NALF1: variants seen among roughly 807,000 people sequenced by gnomAD.
NALF1 encodes the protein NALCN channel auxiliary factor 1.
NALF1 carries 3 observed loss-of-function variants against 48.4 expected under a neutral mutation model. That is an observed-to-expected ratio of 0.06 (90% CI 0.03 to 0.16). The LOEUF (loss-of-function observed/expected upper bound fraction) is 0.16. NALF1 is among the 10% of genes least tolerant of loss of function. NALF1 has a pLI of 1.00. For missense variants in NALF1, 526 were observed against 571.5 expected (o/e 0.92, Z 0.81); for synonymous variants, 262 against 245.7 (o/e 1.07, Z -0.62).
At chr13:107,681,227 C>T (rs1395434796) in intron 1 of NALF1, among the ~76,000 whole-genome samples, 2 of 152,082 alleles carry the variant, frequency 1.3e-5, no homozygotes, top group African/African-American at 4.8e-5. Flanking sequence ...GTGTCTTTAT[C>T]AGCAAAATAA....
At chr13:107,522,260 C>T (rs1012119431) in intron 1 of NALF1, among the ~76,000 whole-genome samples, 9 of 152,108 alleles carry the variant, frequency 5.9e-5, no homozygotes, top group Non-Finnish European at 1.3e-4. Context: ...CTCTCCCCTA[C>T]GCCACTGAAA....
chr13:107,332,381 G>A (rs1882484639), intron 1 of NALF1, among the ~76,000 whole-genome samples: 1 of 152,190 alleles, frequency 6.6e-6, no homozygotes, highest in South Asian at 2.1e-4. Flanking sequence ...CTGCAAAGGA[G>A]CAGCAGGAGT....
At chr13:107,512,398 AG>A in intron 1 of NALF1, among the ~76,000 whole-genome samples, 1 of 152,312 alleles carries the variant, frequency 6.6e-6, no homozygotes, top group South Asian at 2.1e-4. Context: ...ATCTAAAAAA[AG>A]AAAAAAGAAA....
intron 2 of NALF1, among the ~76,000 whole-genome samples, chr13:107,204,855 GAAAA>G (rs202104845): frequency 6.0e-5 from 9 of 149,092 alleles, no homozygotes; most frequent in African/African-American, 2.0e-4. Flanking sequence ...TGTTTTCAGA[GAAAA>G]AAAAACCTGA....
intron 1 of NALF1, among the ~76,000 whole-genome samples, chr13:107,475,842 A>G (rs1885169489): frequency 6.6e-6 from 1 of 152,176 alleles, no homozygotes; most frequent in Non-Finnish European, 1.5e-5. Flanking sequence ...AGGAAACCAA[A>G]GACAGAGACA....
intron 1 of NALF1, among the ~76,000 whole-genome samples, chr13:107,516,449 T>C (rs1173928357): frequency 6.6e-6 from 1 of 152,214 alleles, no homozygotes; most frequent in African/African-American, 2.4e-5. Flanking sequence ...GCACCTACCA[T>C]GAAATGAGCA....
At chr13:107,606,694 C>G (rs1455210900) in intron 1 of NALF1, among the ~76,000 whole-genome samples, 1 of 151,990 alleles carries the variant, frequency 6.6e-6, no homozygotes, top group African/African-American at 2.4e-5. Context: ...GGAAACATTT[C>G]AAAAATATTT....
chr13:107,703,981 T>C (rs4113420), intron 1 of NALF1, among the ~76,000 whole-genome samples: 131,839 of 149,270 alleles, frequency 0.88, 57,618 homozygotes, highest in Non-Finnish European at 0.93. Context: ...CTCTTATTAA[T>C]AGTTTGGCTG....
chr13:107,542,325 G>C (rs886829285), intron 1 of NALF1, among the ~76,000 whole-genome samples: 1 of 152,026 alleles, frequency 6.6e-6, no homozygotes, highest in Admixed American at 6.6e-5. Flanking sequence ...TCAGGCTGGT[G>C]GGGGAGGGGG....
chr13:107,222,210 T>C (rs16969878), intron 1 of NALF1, among the ~76,000 whole-genome samples: 6,014 of 152,256 alleles, frequency 0.039, 170 homozygotes, highest in South Asian at 0.079. Flanking sequence ...ATTAAGAAGC[T>C]TATTTTTCTG....
intron 1 of NALF1, among the ~76,000 whole-genome samples, chr13:107,769,857 A>G (rs543488081): frequency 1.3e-5 from 2 of 152,232 alleles, no homozygotes; most frequent in East Asian, 3.9e-4. Context: ...AATTCCATCA[A>G]TATACATCCT....
chr13:107,764,992 C>G (rs1013237273), intron 1 of NALF1, among the ~76,000 whole-genome samples: 2 of 152,144 alleles, frequency 1.3e-5, no homozygotes, highest in Non-Finnish European at 2.9e-5. Flanking sequence ...CTTTTCAAGT[C>G]ACTGCAAATT....
intron 1 of NALF1, among the ~76,000 whole-genome samples, chr13:107,339,225 A>G (rs928945366): frequency 1.3e-5 from 2 of 152,026 alleles, no homozygotes; most frequent in African/African-American, 4.8e-5. Context: ...TTATATTTTA[A>G]AAACCTTTAT....
intron 1 of NALF1, among the ~76,000 whole-genome samples, chr13:107,604,330 C>T (rs1471387112): frequency 1.3e-5 from 2 of 152,098 alleles, no homozygotes; most frequent in Non-Finnish European, 2.9e-5. Context: ...TTTAAATCTA[C>T]ATTTAGAATT....
chr13:107,441,013 T>C (rs1439476600), intron 1 of NALF1, among the ~76,000 whole-genome samples: 2 of 152,128 alleles, frequency 1.3e-5, no homozygotes, highest in East Asian at 3.9e-4. Flanking sequence ...CTCTCCAACC[T>C]CCAAACCAAT....
intron 1 of NALF1, among the ~76,000 whole-genome samples, chr13:107,313,494 A>T (rs1300422220): frequency 6.6e-6 from 1 of 152,104 alleles, no homozygotes; most frequent in Non-Finnish European, 1.5e-5. Context: ...CCACAAGAAA[A>T]TTCCTTGTGG....
At chr13:107,349,899 G>A (rs757133739) in intron 1 of NALF1, among the ~76,000 whole-genome samples, 12 of 152,062 alleles carry the variant, frequency 7.9e-5, no homozygotes, top group Admixed American at 1.3e-4. Context: ...ACCAGGAACC[G>A]ACTTCATGGA....
chr13:107,649,950 A>C (rs1880404900), intron 1 of NALF1, among the ~76,000 whole-genome samples: 1 of 152,232 alleles, frequency 6.6e-6, no homozygotes. Context: ...GACTGTTATC[A>C]ATACTTGTAA....
intron 1 of NALF1, among the ~76,000 whole-genome samples, chr13:107,638,524 C>A (rs1184735907): frequency 1.3e-5 from 2 of 151,944 alleles, no homozygotes; most frequent in African/African-American, 4.8e-5. Context: ...AGTCTCATAA[C>A]TTGGGATAGG....
Sources: allele counts gnomAD v4.1 joint callset (sites outside exome capture counted in the v4.1 genomes callset), GRCh38; gene constraint gnomAD v4.1.1; transcripts MANE v1.5; gene names NCBI Gene and HGNC (gene_info 2026-07-23, HGNC 2026-07-21).